SRSF10: variants seen among roughly 807,000 people sequenced by gnomAD.
SRSF10 encodes serine/arginine-rich splicing factor 10.
A neutral mutation model predicts 32.6 loss-of-function variants in SRSF10; 9 were observed. The ratio of observed to expected loss-of-function variants is 0.28; its 90% CI spans 0.17 to 0.48. The LOEUF is 0.48. Ranked by LOEUF, SRSF10 falls within the 20% of genes least tolerant of loss-of-function variation. The probability of loss-of-function intolerance (pLI) is 0.99; values close to 1 mark genes in which losing one functional copy is unlikely to be tolerated. For missense variants in SRSF10, 201 were observed against 331.8 expected (o/e 0.61, Z 3.06); for synonymous variants, 105 against 112.4 (o/e 0.93, Z 0.42).
chr1:23,971,125 G>T lies in SRSF10; in HGVS notation c.*17C>A. On this transcript the variant is annotated 3_prime_UTR_variant, in exon 6 of 6. Transcript: ENST00000492112. ...AAATGAATGATACATGCCTAAAAAT[G>T]ACCATGGTTTATACTATCAGTGGCC... 1 of 1,572,414 alleles carries T rather than the reference G, an allele frequency of 6.4e-7. No homozygotes were observed. The highest frequency in any genetic ancestry group is 1.2e-5 in the South Asian group (1 of 83,846).
chr1:23,968,053 A>G lies in SRSF10; in HGVS notation c.*3089T>C, dbSNP rs1259863828. Reference sequence around the variant, plus strand: ...GAGTGTTGATATAACCATTCTATTTATCATTGAGCCCAGTCATACACAGTA... The same window carrying G: ...GAGTGTTGATATAACCATTCTATTTGTCATTGAGCCCAGTCATACACAGTA... On this transcript the variant is annotated 3_prime_UTR_variant, in exon 6 of 6. Coordinates refer to ENST00000492112, the MANE Select transcript of SRSF10 (RefSeq NM_054016.4). 2 of 1,520,808 alleles carry G rather than the reference A, an allele frequency of 1.3e-6. No homozygotes were observed. Among genetic ancestry groups the G allele is most frequent in the Non-Finnish European group, 1.8e-6 (2 of 1,140,794 alleles). 94.2% of individuals were successfully genotyped at this position (1,520,808 alleles called of 1,614,324 possible). A position where few individuals can be genotyped will look rare whatever the true frequency, so the allele number is the denominator to read the frequency against.
chr1:23,980,285 A>G lies in SRSF10; in HGVS notation c.-30T>C, dbSNP rs1642383894. On this transcript the variant is annotated 5_prime_UTR_variant, in exon 1 of 6. Transcript: ENST00000492112. The stretch of plus-strand genomic sequence containing the variant: ...GCGGCGTGTCTCGGCCGGGCGCACT[A>G]ACGGGCTCAGCAAACCGTCCGCGGC... The G allele has an allele frequency of 1.4e-6, 2 of 1,448,296 alleles. No individual in the cohort carries two copies. Among genetic ancestry groups the G allele is most frequent in the East Asian group, 3.0e-5 (1 of 33,656 alleles). 89.7% of individuals were successfully genotyped at this position (1,448,296 alleles called of 1,614,324 possible). A position where few individuals can be genotyped will look rare whatever the true frequency, so the allele number is the denominator to read the frequency against.
chr1:23,969,187 C>T lies in SRSF10; in HGVS notation c.*1955G>A. 1 of 984,924 alleles carries T rather than the reference C, an allele frequency of 1.0e-6. No homozygotes were observed. The highest frequency in any genetic ancestry group is 1.1e-4 in the East Asian group (1 of 8,806). The allele number at this position is 984,924 out of a possible 1,614,324, so 61.0% of individuals were successfully genotyped here. ...ACATTGATGTTTTAAAGGTTGTACA[C>T]AATATTTGTTAAAAAGAACATATAA... On this transcript the variant is annotated 3_prime_UTR_variant, in exon 6 of 6. Transcript: ENST00000492112.
In SRSF10 at chr1:23,971,469, A is replaced by G. The variant is rs1641747768; in HGVS notation, c.492-30T>C. 2.5e-6 allele frequency: 4 copies of G among 1,588,244 alleles called. No homozygotes were observed. In the East Asian group the frequency reaches 6.7e-5, roughly 27 times the overall value. On this transcript the variant is annotated intron_variant, in intron 5 of 5. Coordinates refer to ENST00000492112, the MANE Select transcript of SRSF10 (RefSeq NM_054016.4). ...CAAAACAGAGGAGAGATATAATTAG[A>G]GTAAAAATTAGATTCTATATTAATC...
At chr1:23,977,519 A>G (rs1642163408) in intron 2 of SRSF10, 1 of 152,206 alleles carries the variant, frequency 6.6e-6, no homozygotes, top group Non-Finnish European at 1.5e-5. Flanking sequence ...ATATATAAAC[A>G]AAATTTCTAG....
In SRSF10 at chr1:23,965,104, AT is replaced by A. The variant is rs1339269210; in HGVS notation, c.*6037del. The A allele has an allele frequency of 1.3e-5, 2 of 152,002 alleles. No individual in the cohort carries two copies. Among genetic ancestry groups the A allele is most frequent in the Non-Finnish European group, 2.9e-5 (2 of 67,852 alleles). The allele number at this position is 152,002 out of a possible 1,614,324, so 9.4% of individuals were successfully genotyped here. On this transcript the variant is annotated 3_prime_UTR_variant, in exon 6 of 6. Transcript: ENST00000492112. ...CAGTGACTAGCAGAATGTCTTGTAG[AT>A]AGCAATAACCGAAGACAAACAGGTT...
Position 23,969,511 on chromosome 1 carries a change from G to A in SRSF10, c.*1631C>T, listed in dbSNP as rs1312383256. ...CCACAAACAGTATTTAAAATCCATC[G>A]TTGTATTCTTTACAGGCAAAGCCTA... is the stretch of plus-strand genomic sequence containing the variant. On this transcript the variant is annotated 3_prime_UTR_variant, in exon 6 of 6. Transcript: ENST00000492112. The A allele has an allele frequency of 2.6e-5, 26 of 984,980 alleles. No individual in the cohort carries two copies. The highest frequency in any genetic ancestry group is 1.0e-4 in the African/African-American group (6 of 57,164). The allele number at this position is 984,980 out of a possible 1,614,324, so 61.0% of individuals were successfully genotyped here. A position where few individuals can be genotyped will look rare whatever the true frequency, so the allele number is the denominator to read the frequency against.
Position 23,969,820 on chromosome 1 carries a change from C to G in SRSF10, c.*1322G>C. ...GACTCTTGCTTAAAACTGACTAATC[C>G]TTTTCCCCAAATTACCTTAAATTTC... On this transcript the variant is annotated 3_prime_UTR_variant, in exon 6 of 6. Transcript: ENST00000492112. 1 of 985,364 alleles carries G rather than the reference C, an allele frequency of 1.0e-6. No individual in the cohort carries two copies. The allele number at this position is 985,364 out of a possible 1,614,324, so 61.0% of individuals were successfully genotyped here.
In SRSF10 at chr1:23,967,691, G is replaced by A; in HGVS notation, c.*3451C>T. On this transcript the variant is annotated 3_prime_UTR_variant, in exon 6 of 6. Transcript: ENST00000492112. Reference sequence around the variant, plus strand: ...GATCTTTCTTGAAGTGTAGTAAGCAGAACTGTACTGGGTATTCCAGCTGCA... The same window carrying A: ...GATCTTTCTTGAAGTGTAGTAAGCAAAACTGTACTGGGTATTCCAGCTGCA... 6.2e-7 allele frequency: 1 copy of A among 1,601,442 alleles called. No homozygotes were observed. The highest frequency in any genetic ancestry group is 1.1e-5 in the South Asian group (1 of 90,784).
Position 23,964,827 on chromosome 1 carries a change from T to C in SRSF10, c.*6315A>G, listed in dbSNP as rs1168451953. The C allele has an allele frequency of 2.0e-5, 3 of 151,956 alleles. No individual in the cohort carries two copies. Among genetic ancestry groups the C allele is most frequent in the Non-Finnish European group, 4.4e-5 (3 of 67,840 alleles). The allele number at this position is 151,956 out of a possible 1,614,324, so 9.4% of individuals were successfully genotyped here. A position where few individuals can be genotyped will look rare whatever the true frequency, so the allele number is the denominator to read the frequency against. The stretch of plus-strand genomic sequence containing the variant: ...GATTTATTTTTGGCTCCTAGACCAG[T>C]TTATTTCACTTTCCAGCATTCAAAG... On this transcript the variant is annotated 3_prime_UTR_variant, in exon 6 of 6. Transcript: ENST00000492112.
intron 3 of SRSF10, among the ~76,000 whole-genome samples, chr1:23,972,440 T>TA (rs1641821911): frequency 6.6e-6 from 1 of 151,078 alleles, no homozygotes; most frequent in African/African-American, 2.4e-5. Context: ...TCTTTTTTTT[T>TA]TAATTATTTT....
rs1641397985 is a variant in SRSF10 at position 23,965,267 on chromosome 1, TCA to T, written c.*5873_*5874del. ...GATTATTCCTGAGCTATCACTCAAG[TCA>T]CAGATACTTCAGAATATAATCTTAG... is the stretch of plus-strand genomic sequence containing the variant. On this transcript the variant is annotated 3_prime_UTR_variant, in exon 6 of 6. Transcript: ENST00000492112. The T allele has an allele frequency of 1.3e-5, 2 of 152,000 alleles. No individual in the cohort carries two copies. The highest frequency in any genetic ancestry group is 2.9e-5 in the Non-Finnish European group (2 of 67,862). The allele number at this position is 152,000 out of a possible 1,614,324, so 9.4% of individuals were successfully genotyped here.
In SRSF10 at chr1:23,970,549, C is replaced by T. The variant is rs1446798328; in HGVS notation, c.*593G>A. 11 of 555,256 alleles carry T rather than the reference C, an allele frequency of 2.0e-5. No individual in the cohort carries two copies. The highest frequency in any genetic ancestry group is 2.3e-5 in the Non-Finnish European group (10 of 437,860). 34.4% of individuals were successfully genotyped at this position (555,256 alleles called of 1,614,324 possible). A position where few individuals can be genotyped will look rare whatever the true frequency, so the allele number is the denominator to read the frequency against. ...ATAATTTTTGTATTTTTAGTAGAGA[C>T]GGGGTTTCACCGTGTTGGTCAGGCT... On this transcript the variant is annotated 3_prime_UTR_variant, in exon 6 of 6. Coordinates refer to ENST00000492112, the MANE Select transcript of SRSF10 (RefSeq NM_054016.4).
chr1:23,979,986 G>C (rs923960602), intron 1 of SRSF10, among the ~76,000 whole-genome samples: 7 of 152,218 alleles, frequency 4.6e-5, no homozygotes, highest in African/African-American at 1.4e-4. Flanking sequence ...ACCCCGCCAC[G>C]CGGCCCGGCG....
rs937599408 is a variant in SRSF10 at position 23,968,283 on chromosome 1, G to A, written c.*2859C>T. ...CAAGTCTAAAAATAAGTTGACACAAGTAAAAATAAAAATGAAATTAGGCCT... is the reference window on the plus strand; with the variant it reads ...CAAGTCTAAAAATAAGTTGACACAAATAAAAATAAAAATGAAATTAGGCCT... On this transcript the variant is annotated 3_prime_UTR_variant, in exon 6 of 6. Transcript: ENST00000492112. Among the ~76,000 whole-genome samples, 5 of 152,052 alleles carry A rather than the reference G, an allele frequency of 3.3e-5. No homozygotes were observed. Among genetic ancestry groups the A allele is most frequent in the African/African-American group, 1.2e-4 (5 of 41,414 alleles).
intron 1 of SRSF10, among the ~76,000 whole-genome samples, chr1:23,979,377 A>T (rs1263909422): frequency 2.0e-5 from 3 of 152,120 alleles, no homozygotes; most frequent in African/African-American, 7.2e-5. Context: ...CCCCCACGAA[A>T]CACCAAAAAC....
chr1:23,979,312 GCTTT>G (rs1382510168), intron 1 of SRSF10, among the ~76,000 whole-genome samples: 1 of 149,886 alleles, frequency 6.7e-6, no homozygotes, highest in Non-Finnish European at 1.5e-5. Context: ...AAGAATTATT[GCTTT>G]CTTTCCTTCT....
chr1:23,979,065 T>TTTTTTTG (rs1642260982), intron 1 of SRSF10: 1 of 230,710 alleles, frequency 4.3e-6, no homozygotes, highest in African/African-American at 2.3e-5. Flanking sequence ...TTGTTTTTTT[T>TTTTTTTG]TTTTTTTTTA....
At chr1:23,979,054 C>A in intron 1 of SRSF10, 3 of 44,642 alleles carry the variant, frequency 6.7e-5, no homozygotes, top group East Asian at 4.9e-4. Flanking sequence ...GTATATAAGC[C>A]TTGTTTTTTT....
Sources: gnomAD v4.1 joint callset for allele counts (sites outside exome capture counted in the v4.1 genomes callset) on GRCh38, gnomAD v4.1.1 for gene constraint, MANE v1.5 for transcripts, NCBI Gene and HGNC (gene_info 2026-07-23, HGNC 2026-07-21) for gene names.